Variants in RIMS2 observed in about 807,000 individuals in gnomAD.
The protein encoded by RIMS2 is regulating synaptic membrane exocytosis 2.
A neutral mutation model predicts 174.4 loss-of-function variants in RIMS2; 59 were observed. The observed-to-expected ratio is 0.34, with a 90% CI of 0.27 to 0.42. The LOEUF is 0.42. RIMS2 is among the 10% of genes least tolerant of loss of function. The pLI is 1.00. For synonymous variants in RIMS2, 606 were observed against 572.5 expected, an observed-to-expected ratio of 1.06 and a Z score of -0.84; for missense variants, 1,620 against 1,666.3, an observed-to-expected ratio of 0.97 and a Z score of 0.48.
chr8:103,924,384 T>C (rs2154530218), intron 10 of RIMS2, among the ~76,000 whole-genome samples: 1 of 151,826 alleles, frequency 6.6e-6, no homozygotes, highest in South Asian at 2.1e-4. Context: ...AAAACATAAC[T>C]AAGATGCTAT....
At chr8:104,091,662 A>C (rs2097661239) in intron 19 of RIMS2, among the ~76,000 whole-genome samples, 1 of 150,372 alleles carries the variant, frequency 6.7e-6, no homozygotes, top group African/African-American at 2.4e-5. Context: ...TATATATATT[A>C]TATAGACAGA....
intron 1 of RIMS2, among the ~76,000 whole-genome samples, chr8:103,624,480 C>A (rs1413605557): frequency 6.6e-6 from 1 of 152,152 alleles, no homozygotes; most frequent in Non-Finnish European, 1.5e-5. Flanking sequence ...GACTTCTTAG[C>A]CTCCATAATC....
At chr8:104,136,937 C>T (rs926995751) in intron 19 of RIMS2, among the ~76,000 whole-genome samples, 2 of 151,658 alleles carry the variant, frequency 1.3e-5, no homozygotes, top group South Asian at 2.1e-4. Context: ...ACTTGTACCC[C>T]GGATTTAAAA....
At chr8:103,551,434 T>C (rs565476270) in intron 1 of RIMS2, among the ~76,000 whole-genome samples, 16 of 152,304 alleles carry the variant, frequency 1.1e-4, no homozygotes, top group African/African-American at 3.6e-4. Context: ...AAACTAGGTA[T>C]TGATGGGATG....
At chr8:104,146,683 A>G (rs1376537987) in intron 19 of RIMS2, among the ~76,000 whole-genome samples, 4 of 152,088 alleles carry the variant, frequency 2.6e-5, no homozygotes, top group Non-Finnish European at 4.4e-5. Flanking sequence ...TTAGAAGAGT[A>G]TATGTTTTGA....
intron 3 of RIMS2, among the ~76,000 whole-genome samples, chr8:103,791,166 C>T (rs1317466470): frequency 1.3e-5 from 2 of 152,102 alleles, no homozygotes; most frequent in Non-Finnish European, 2.9e-5. Flanking sequence ...TAAGGGCAGC[C>T]AGAGAGAAGG....
At chr8:103,773,914 G>A (rs2098281282) in intron 3 of RIMS2, among the ~76,000 whole-genome samples, 2 of 147,808 alleles carry the variant, frequency 1.4e-5, no homozygotes, top group South Asian at 4.3e-4. Flanking sequence ...GGCCGAGGCA[G>A]GCAGATCACT....
At chr8:103,803,061 A>G (rs1024695240) in intron 3 of RIMS2, among the ~76,000 whole-genome samples, 84 of 152,144 alleles carry the variant, frequency 5.5e-4, no homozygotes, top group African/African-American at 2.0e-3. Context: ...GCTTGTTACT[A>G]TAGATAAGCA....
chr8:103,644,964 A>T (rs898040597), intron 1 of RIMS2, among the ~76,000 whole-genome samples: 8 of 151,942 alleles, frequency 5.3e-5, no homozygotes. Context: ...AAATGAGCCC[A>T]TTTACATATT....
chr8:104,215,329 GAAT>G (rs1266122074), intron 19 of RIMS2, among the ~76,000 whole-genome samples: 5 of 152,072 alleles, frequency 3.3e-5, no homozygotes, highest in Non-Finnish European at 7.4e-5. Flanking sequence ...GAACAAGTAA[GAAT>G]TAGACTTTAA....
intron 19 of RIMS2, among the ~76,000 whole-genome samples, chr8:104,107,715 A>C (rs1045262554): frequency 2.0e-5 from 3 of 152,256 alleles, no homozygotes; most frequent in Non-Finnish European, 4.4e-5. Flanking sequence ...TGGGAGGCCA[A>C]GGCAAGAGGA....
At chr8:103,926,877 G>C (rs1306217843) in intron 10 of RIMS2, among the ~76,000 whole-genome samples, 1 of 151,528 alleles carries the variant, frequency 6.6e-6, no homozygotes, top group Non-Finnish European at 1.5e-5. Flanking sequence ...AAGTCAGTAA[G>C]AGAAAAGAAA....
chr8:104,067,934 C>T (rs1227748048), intron 19 of RIMS2, among the ~76,000 whole-genome samples: 1 of 152,120 alleles, frequency 6.6e-6, no homozygotes, highest in Non-Finnish European at 1.5e-5. Flanking sequence ...CCTTTACTGG[C>T]ATGGTATGCT....
chr8:103,820,228 A>T (rs1372742010), intron 3 of RIMS2, among the ~76,000 whole-genome samples: 3 of 152,110 alleles, frequency 2.0e-5, no homozygotes, highest in Non-Finnish European at 2.9e-5. Flanking sequence ...TTAAATTATG[A>T]ACATATCTCT....
intron 1 of RIMS2, among the ~76,000 whole-genome samples, chr8:103,556,595 A>C (rs80340426): frequency 6.6e-6 from 1 of 152,168 alleles, no homozygotes; most frequent in African/African-American, 2.4e-5. Context: ...CCTCTTCTCC[A>C]TAGGAAATTA....
intron 3 of RIMS2, among the ~76,000 whole-genome samples, chr8:103,823,874 A>T (rs1235833741): frequency 1.3e-5 from 2 of 152,058 alleles, no homozygotes; most frequent in Admixed American, 6.6e-5. Flanking sequence ...CTGTGTTATG[A>T]GGTATAAAGC....
chr8:104,112,382 T>C (rs761664309), intron 19 of RIMS2, among the ~76,000 whole-genome samples: 1 of 152,084 alleles, frequency 6.6e-6, no homozygotes, highest in Non-Finnish European at 1.5e-5. Context: ...GCATATGTAA[T>C]ATATGTATAT....
At chr8:104,182,124 T>C (rs904163379) in intron 19 of RIMS2, among the ~76,000 whole-genome samples, 1 of 151,830 alleles carries the variant, frequency 6.6e-6, no homozygotes, top group Non-Finnish European at 1.5e-5. Flanking sequence ...TGTACCATTA[T>C]TGCAGAAACT....
intron 19 of RIMS2, among the ~76,000 whole-genome samples, chr8:104,092,865 C>T (rs1009814427): frequency 2.0e-5 from 3 of 151,898 alleles, no homozygotes; most frequent in African/African-American, 7.2e-5. Context: ...TATTTGAACA[C>T]CCAAGAATAC....
Sources: allele counts gnomAD v4.1 joint callset (sites outside exome capture counted in the v4.1 genomes callset), GRCh38; gene constraint gnomAD v4.1.1; transcripts MANE v1.5; gene names NCBI Gene and HGNC (gene_info 2026-07-23, HGNC 2026-07-21).